ADAM28: variants seen among roughly 807,000 people sequenced by gnomAD.
ADAM28 encodes the protein disintegrin and metalloproteinase domain-containing protein 28.
ADAM28 carries 105 observed loss-of-function variants against 101.2 expected under a neutral mutation model. That is an observed-to-expected ratio of 1.04 (90% confidence interval 0.89 to 1.22). The LOEUF is 1.22. Among genes scored for constraint, ADAM28 ranks in the 50% most tolerant of loss-of-function variants. ADAM28 has a pLI of 0.00. For missense variants in ADAM28, 1,028 were observed against 945.4 expected, an observed-to-expected ratio of 1.09 and a Z score of -1.15; for synonymous variants, 322 against 310.6, an observed-to-expected ratio of 1.04 and a Z score of -0.39.
chr8:24,313,715 C>G, intron 6 of ADAM28, 135 bp downstream of exon 6: 1 of 859,244 alleles, frequency 1.2e-6, no homozygotes, highest in Non-Finnish European at 1.7e-6. Flanking sequence ...TTAAATATTG[C>G]TAGACATTAA....
chr8:24,309,960 A>G lies in ADAM28; in HGVS notation c.217A>G (p.Lys73Glu). ...INGKIAVLYLKKNKNLLAPGY... is the reference protein window; with the variant it reads ...INGKIAVLYLEKNKNLLAPGY... ...TGGAAAAATTGCAGTGCTTTATTTG[A>G]AAAAAAACAAGTAAGTATCTTTACC... The change falls in exon 3 of 23, where the codon AAA becomes GAA. Residue 73 changes from lysine (K) to glutamate (E), a missense_variant. Transcript: ENST00000265769. 6.4e-7 allele frequency: 1 copy of G among 1,556,372 alleles called. No homozygotes were observed. The highest frequency in any genetic ancestry group is 2.2e-5 in the East Asian group (1 of 44,582).
At chr8:24,347,052 A>C (rs1424674198) in intron 18 of ADAM28, 1 of 151,972 alleles carries the variant, frequency 6.6e-6, no homozygotes, top group African/African-American at 2.4e-5. Flanking sequence ...AAATTTTTCT[A>C]TGCTCATTTT....
chr8:24,350,580 G>C (rs749087097), intron 19 of ADAM28, among the ~76,000 whole-genome samples: 1 of 152,042 alleles, frequency 6.6e-6, no homozygotes, highest in Non-Finnish European at 1.5e-5. Context: ...CTAAGTGCCG[G>C]GATTACAGGT....
chr8:24,298,960 G>A (rs1808342733), intron 1 of ADAM28, among the ~76,000 whole-genome samples: 1 of 151,948 alleles, frequency 6.6e-6, no homozygotes, highest in South Asian at 2.1e-4. Context: ...GGGAGGCCGA[G>A]CCAGGAGGAT....
intron 18 of ADAM28, 146 bp from the exon 19 acceptor site, chr8:24,349,718 A>G (rs7813889): frequency 0.048 from 26,087 of 546,950 alleles, 1,310 homozygotes; most frequent in African/African-American, 0.17. Flanking sequence ...TGATCAAAAT[A>G]CTTTTTCATT....
In ADAM28 at chr8:24,332,478, A is replaced by G. The variant is rs1036657063; in HGVS notation, c.1282-182A>G. 2.0e-5 allele frequency among the ~76,000 whole-genome samples: 3 copies of G among 152,294 alleles called. No individual in the cohort carries two copies. The East Asian group carries it at 5.8e-4, about 29-fold the overall frequency. On this transcript the variant is annotated intron_variant, in intron 12 of 22. Coordinates refer to ENST00000265769, the MANE Select transcript of ADAM28 (RefSeq NM_014265.6). ...AATGACGTAAGTGGAATTCAGATAA[A>G]CAACAAACCATCAGTTGCTCCAAAA...
intron 18 of ADAM28, among the ~76,000 whole-genome samples, chr8:24,348,170 T>G (rs1013627161): frequency 6.6e-6 from 1 of 152,184 alleles, no homozygotes; most frequent in Admixed American, 6.5e-5. Context: ...ATGCATTTCT[T>G]TTATATTTTA....
At chr8:24,313,760 T>A (rs1431738722) in intron 6 of ADAM28, among the ~76,000 whole-genome samples, 180 bp downstream of exon 6, 1 of 142,040 alleles carries the variant, frequency 7.0e-6, no homozygotes, top group Admixed American at 6.9e-5. Flanking sequence ...AATCAACTAT[T>A]TTTTTTTTTT....
chr8:24,325,434 G>A (rs916871414), intron 9 of ADAM28, among the ~76,000 whole-genome samples: 3 of 151,806 alleles, frequency 2.0e-5, no homozygotes, highest in Admixed American at 1.3e-4. Flanking sequence ...ATTAGAGTCC[G>A]AATATACTGT....
chr8:24,312,945 C>A (rs191544659), intron 5 of ADAM28, among the ~76,000 whole-genome samples: 16 of 152,252 alleles, frequency 1.1e-4, no homozygotes, highest in African/African-American at 3.9e-4. Flanking sequence ...ATGTGGAGAA[C>A]CTGAGGCTTG....
At chr8:24,331,348 A>G in intron 12 of ADAM28, 21 bp downstream of exon 12, 1 of 1,574,726 alleles carries the variant, frequency 6.4e-7, no homozygotes, top group Non-Finnish European at 8.6e-7. Context: ...TCACTTTCTA[A>G]AACGATCTAG....
chr8:24,347,821 A>G (rs780684763), intron 18 of ADAM28, among the ~76,000 whole-genome samples: 16 of 152,050 alleles, frequency 1.1e-4, no homozygotes, highest in Non-Finnish European at 2.2e-4. Context: ...TGGAGACCAT[A>G]TAGCTGTAAC....
chr8:24,314,601 G>C (rs990476537), intron 6 of ADAM28, among the ~76,000 whole-genome samples: 2 of 151,760 alleles, frequency 1.3e-5, no homozygotes, highest in African/African-American at 4.8e-5. Flanking sequence ...ATTTTCTGTA[G>C]GTTTAAATTC....
Position 24,321,230 on chromosome 8 carries a change from A to G in ADAM28, c.661A>G (p.Asn221Asp). The G allele has an allele frequency of 6.2e-7, 1 of 1,602,642 alleles. No homozygotes were observed. The highest frequency in any genetic ancestry group is 8.5e-7 in the Non-Finnish European group (1 of 1,170,330). The change falls in exon 8 of 23, where the codon AAT becomes GAT. Residue 221 changes from asparagine to aspartate, a missense_variant. Coordinates refer to ENST00000265769, the MANE Select transcript of ADAM28 (RefSeq NM_014265.6). ...ATTTTTCTTTTAGTTTAAAAGGTACAATGAGAATCAAGATGAGATCAGAAA... is the reference window on the plus strand; with the variant it reads ...ATTTTTCTTTTAGTTTAAAAGGTACGATGAGAATCAAGATGAGATCAGAAA... Reference protein sequence around the residue: ...VLDNGEFKRYNENQDEIRKRV... With the variant: ...VLDNGEFKRYDENQDEIRKRV...
At chr8:24,311,311 G>T (rs138771138) in intron 4 of ADAM28, 50 bp from the exon 5 acceptor site, 1 of 1,436,714 alleles carries the variant, frequency 7.0e-7, no homozygotes, top group Non-Finnish European at 9.6e-7. Flanking sequence ...CTTTAGCAGC[G>T]GTGCTAAAAT....
At chr8:24,351,578 A>G in intron 20 of ADAM28, 1 of 532,042 alleles carries the variant, frequency 1.9e-6, no homozygotes, top group Non-Finnish European at 3.4e-6. Context: ...TCTCTGCTTC[A>G]TTCTCTCTCC....
chr8:24,302,801 G>A (rs1233361783), intron 2 of ADAM28, among the ~76,000 whole-genome samples: 2 of 151,852 alleles, frequency 1.3e-5, no homozygotes, highest in Non-Finnish European at 2.9e-5. Context: ...TTAAGTTCTA[G>A]GGTACATGTG....
intron 14 of ADAM28, among the ~76,000 whole-genome samples, chr8:24,338,888 A>T (rs1194291675): frequency 6.6e-6 from 1 of 152,084 alleles, no homozygotes; most frequent in African/African-American, 2.4e-5. Context: ...CTGACCAGGC[A>T]CTGTTCTCAG....
At chr8:24,353,701 TA>T in intron 21 of ADAM28, 68 bp from the exon 22 acceptor site, 1 of 1,030,142 alleles carries the variant, frequency 9.7e-7, no homozygotes. Context: ...ATTAAGGAAA[TA>T]AATATAGCTA....
Sources: allele counts gnomAD v4.1 joint callset (sites outside exome capture counted in the v4.1 genomes callset), GRCh38; gene constraint gnomAD v4.1.1; transcripts MANE v1.5; gene names NCBI Gene and HGNC (gene_info 2026-07-23, HGNC 2026-07-21).